The following NPFFR2 variants were observed in gnomAD, a reference collection of about 807,000 sequenced individuals.
NPFFR2 encodes the protein neuropeptide FF receptor 2, also known as G-protein coupled receptor 74.
A neutral mutation model predicts 13.1 loss-of-function variants in NPFFR2; 15 were observed. The ratio of observed to expected loss-of-function variants is 1.15; its 90% CI spans 0.77 to 1.76. NPFFR2 has a LOEUF of 1.76. Ranked by LOEUF, NPFFR2 falls within the 40% of genes most tolerant of loss-of-function variation. The pLI is 0.00. For missense variants in NPFFR2, 572 were observed against 503.5 expected (o/e 1.14, Z -1.30); for synonymous variants, 190 against 175.7 (o/e 1.08, Z -0.65).
chr4:72,131,330 G>T (rs1722232275), intron 2 of NPFFR2, among the ~76,000 whole-genome samples: 1 of 151,452 alleles, frequency 6.6e-6, no homozygotes, highest in Admixed American at 6.6e-5. Flanking sequence ...ACATTATCAA[G>T]ATACTGTGCT....
At position 72,097,899 on chromosome 4, in the gene NPFFR2, T is replaced by A. The variant is rs563307860; in HGVS notation, c.-7-30686T>A. Reference sequence around the variant, plus strand: ...ACCCTTCAGATTAGGCTCAAATAACTTACCTTCTTGGAAGCAATTTCTGAC... The same window carrying A: ...ACCCTTCAGATTAGGCTCAAATAACATACCTTCTTGGAAGCAATTTCTGAC... On this transcript the variant is annotated intron_variant, in intron 1 of 3. Transcript: ENST00000308744. 2.0e-5 allele frequency among the ~76,000 whole-genome samples: 3 copies of A among 152,302 alleles called. No individual in the cohort carries two copies. In the South Asian group the frequency reaches 6.2e-4, roughly 32 times the overall value.
At chr4:72,079,053 A>ACACACAC (rs1720524161) in intron 1 of NPFFR2, among the ~76,000 whole-genome samples, 3 of 139,104 alleles carry the variant, frequency 2.2e-5, no homozygotes, top group African/African-American at 7.8e-5. Flanking sequence ...CATAGAACTA[A>ACACACAC]ACACACACAC....
chr4:72,074,269 T>G (rs1257642526), intron 1 of NPFFR2, among the ~76,000 whole-genome samples: 2 of 152,078 alleles, frequency 1.3e-5, no homozygotes. Context: ...TGTTTATTTT[T>G]GGACTTTTCA....
At chr4:72,136,797 C>T (rs986650799) in intron 2 of NPFFR2, among the ~76,000 whole-genome samples, 2 of 152,160 alleles carry the variant, frequency 1.3e-5, no homozygotes, top group Admixed American at 1.3e-4. Flanking sequence ...AACCTCCATT[C>T]TTCTATCAAC....
intron 3 of NPFFR2, among the ~76,000 whole-genome samples, chr4:72,141,117 A>G (rs1295911977): frequency 2.0e-5 from 3 of 151,270 alleles, no homozygotes; most frequent in African/African-American, 7.3e-5. Context: ...CCCCTTTATC[A>G]TTTTTATTGC....
At position 72,127,974 on chromosome 4, in the gene NPFFR2, G is replaced by T. The variant is rs570002845; in HGVS notation, c.-7-611G>T. On this transcript the variant is annotated intron_variant, in intron 1 of 3. Transcript: ENST00000308744. ...GTGCACCTGTGGTCTCAGCTACTTG[G>T]GGGGTGAGGCAGGAGGATCACTTGA... Among the ~76,000 whole-genome samples the T allele has an allele frequency of 3.3e-5, 5 of 152,076 alleles. No individual in the cohort carries two copies. The South Asian group carries it at 6.2e-4, about 19-fold the overall frequency.
chr4:72,132,791 T>C (rs1302988383), intron 2 of NPFFR2, among the ~76,000 whole-genome samples: 1 of 152,226 alleles, frequency 6.6e-6, no homozygotes, highest in East Asian at 1.9e-4. Flanking sequence ...GCCACATGTA[T>C]GTCTTCTTTT....
chr4:72,104,323 G>A (rs1721352719), intron 1 of NPFFR2, among the ~76,000 whole-genome samples: 1 of 151,944 alleles, frequency 6.6e-6, no homozygotes, highest in Non-Finnish European at 1.5e-5. Flanking sequence ...TTTTCTCTCA[G>A]GCATGGGACT....
intron 1 of NPFFR2, among the ~76,000 whole-genome samples, chr4:72,111,732 C>T (rs533526765): frequency 2.0e-5 from 3 of 152,014 alleles, no homozygotes; most frequent in Non-Finnish European, 2.9e-5. Flanking sequence ...CCAACAAAAA[C>T]GGAAAAAGGG....
intron 2 of NPFFR2, among the ~76,000 whole-genome samples, chr4:72,133,214 C>T (rs914072309): frequency 6.6e-6 from 1 of 152,188 alleles, no homozygotes; most frequent in African/African-American, 2.4e-5. Flanking sequence ...CAATCTTCTG[C>T]ACATGGCTAG....
chr4:72,040,451 T>C (rs28609397), intron 1 of NPFFR2, among the ~76,000 whole-genome samples: 52,773 of 151,994 alleles, frequency 0.35, 9,576 homozygotes, highest in East Asian at 0.68. Flanking sequence ...TAATGGGATC[T>C]ATATTTGTAT....
At chr4:72,051,404 T>C (rs1719575581) in intron 1 of NPFFR2, among the ~76,000 whole-genome samples, 1 of 151,924 alleles carries the variant, frequency 6.6e-6, no homozygotes, top group South Asian at 2.1e-4. Flanking sequence ...ACTGGGTACA[T>C]AACGAAATGG....
chr4:72,069,340 A>G (rs1250963306), intron 1 of NPFFR2, among the ~76,000 whole-genome samples: 1 of 152,160 alleles, frequency 6.6e-6, no homozygotes, highest in Non-Finnish European at 1.5e-5. Context: ...AGCATTTTAA[A>G]AACTATAATT....
chr4:72,064,479 T>A (rs1055236094), intron 1 of NPFFR2, among the ~76,000 whole-genome samples: 6 of 152,208 alleles, frequency 3.9e-5, no homozygotes, highest in African/African-American at 1.4e-4. Context: ...AAGATGGATG[T>A]CAATCTTTTG....
chr4:72,140,899 T>C (rs1722595407), intron 3 of NPFFR2, among the ~76,000 whole-genome samples: 1 of 152,158 alleles, frequency 6.6e-6, no homozygotes, highest in Admixed American at 6.5e-5. Context: ...TCCTGGACTT[T>C]TTTTGGTTGG....
intron 1 of NPFFR2, among the ~76,000 whole-genome samples, chr4:72,071,386 T>G (rs1317063610): frequency 6.6e-6 from 1 of 151,674 alleles, no homozygotes; most frequent in East Asian, 1.9e-4. Context: ...GTGAGGAGCG[T>G]GTATGACCCC....
rs560673831 is a variant in NPFFR2 at position 72,037,131 on chromosome 4, C to A, written c.-8+4931C>A. Reference sequence around the variant, plus strand: ...TTTAGGCCAGGTGTGGTAACTCATGCCTGTAATTCCAGCACTTTGGGAGGC... The same window carrying A: ...TTTAGGCCAGGTGTGGTAACTCATGACTGTAATTCCAGCACTTTGGGAGGC... On this transcript the variant is annotated intron_variant, in intron 1 of 3. Coordinates refer to ENST00000308744, the MANE Select transcript of NPFFR2 (RefSeq NM_004885.3). 2.6e-5 allele frequency among the ~76,000 whole-genome samples: 4 copies of A among 152,004 alleles called. No homozygotes were observed. The South Asian group carries it at 8.3e-4, about 32-fold the overall frequency.
intron 1 of NPFFR2, among the ~76,000 whole-genome samples, chr4:72,034,588 T>C (rs1718997833): frequency 6.6e-6 from 1 of 152,334 alleles, no homozygotes; most frequent in Non-Finnish European, 1.5e-5. Context: ...CCAAACTATA[T>C]CAATATTTAT....
intron 1 of NPFFR2, among the ~76,000 whole-genome samples, chr4:72,103,858 G>C (rs1398392439): frequency 1.3e-5 from 2 of 151,990 alleles, no homozygotes; most frequent in Admixed American, 6.6e-5. Flanking sequence ...AGAAATTAAA[G>C]TGAGTCTAAT....
Sources: allele counts gnomAD v4.1 joint callset (sites outside exome capture counted in the v4.1 genomes callset), GRCh38; gene constraint gnomAD v4.1.1; transcripts MANE v1.5; gene names NCBI Gene and HGNC (gene_info 2026-07-23, HGNC 2026-07-21).